The following MAST4 variants were observed in gnomAD, a reference collection of about 807,000 sequenced individuals.
MAST4 encodes the protein microtubule associated serine/threonine kinase family member 4, also known as microtubule-associated serine/threonine-protein kinase 4.
MAST4 carries 89 observed loss-of-function variants against 162.7 expected under a neutral mutation model. That is an observed-to-expected ratio of 0.55 (90% CI 0.46 to 0.65). The LOEUF is 0.65. Among genes scored for constraint, MAST4 ranks in the 30% least tolerant of loss-of-function variants. The pLI is 0.00. For missense variants in MAST4, 3,153 were observed against 3,374.0 expected (o/e 0.93, Z 1.62); for synonymous variants, 1,479 against 1,361.1 (o/e 1.09, Z -1.91).
chr5:66,998,676 C>G lies in MAST4; in HGVS notation c.675-55728C>G, dbSNP rs150493230. Among the ~76,000 whole-genome samples, 338 of 152,322 alleles carry G rather than the reference C, an allele frequency of 2.2e-3. 2 individuals are homozygous for G. Among genetic ancestry groups the G allele is most frequent in the African/African-American group, 7.7e-3 (318 of 41,568 alleles). On this transcript the variant is annotated intron_variant, in intron 4 of 28. Transcript: ENST00000403625. ...CTTTCCCCTGCCCACCCCTTCACCC[C>G]CAATCCTTTCTCTATTGTTCCCTTT...
chr5:66,780,167 C>T (rs1355148345), intron 2 of MAST4, among the ~76,000 whole-genome samples: 1 of 152,202 alleles, frequency 6.6e-6, no homozygotes, highest in Non-Finnish European at 1.5e-5. Context: ...ATCTCCAGAA[C>T]ATTTTCATCA....
At chr5:67,074,264 G>A (rs1761332088) in intron 5 of MAST4, among the ~76,000 whole-genome samples, 1 of 151,986 alleles carries the variant, frequency 6.6e-6, no homozygotes, top group Non-Finnish European at 1.5e-5. Flanking sequence ...GTTTCCACTT[G>A]ATTTGCAAAT....
chr5:66,639,881 A>C (rs541833793), intron 1 of MAST4, among the ~76,000 whole-genome samples: 1 of 152,258 alleles, frequency 6.6e-6, no homozygotes, highest in South Asian at 2.1e-4. Flanking sequence ...TTCATAGTGA[A>C]ATCATTTGTA....
At chr5:66,955,659 A>G (rs574911060) in intron 4 of MAST4, among the ~76,000 whole-genome samples, 1 of 152,294 alleles carries the variant, frequency 6.6e-6, no homozygotes. Flanking sequence ...CAAACTCTAT[A>G]TGTATTACTT....
At position 66,680,206 on chromosome 5, in the gene MAST4, C is replaced by G. The variant is rs896514078; in HGVS notation, c.364-79503C>G. On this transcript the variant is annotated intron_variant, in intron 1 of 28. Transcript: ENST00000403625. ...GGGGTCCCTCCTAATTTACTAGTTC[C>G]TGGCTCCTTTCATACTGGAAGGATG... 5.3e-5 allele frequency among the ~76,000 whole-genome samples: 8 copies of G among 152,294 alleles called. No homozygotes were observed. In the South Asian group the frequency reaches 1.4e-3, roughly 28 times the overall value.
chr5:66,804,135 C>G (rs1471161632), intron 3 of MAST4, among the ~76,000 whole-genome samples: 1 of 152,030 alleles, frequency 6.6e-6, no homozygotes, highest in Non-Finnish European at 1.5e-5. Flanking sequence ...TAATAATTTG[C>G]TTAGGATTTT....
chr5:67,090,268 T>C (rs778474597), intron 6 of MAST4, 37 bp downstream of exon 6: 29 of 1,524,698 alleles, frequency 1.9e-5, no homozygotes, highest in Non-Finnish European at 2.4e-5. Context: ...TAAGGTCTTA[T>C]AGAGAGAATC....
In MAST4 at chr5:67,166,722, A is replaced by G; in HGVS notation, c.7543A>G (p.Met2515Val). ...AQPAGEGRTHMTKSDSLPSFR... is the reference protein window; with the variant it reads ...AQPAGEGRTHVTKSDSLPSFR... ...GCCTGCCGGGGAGGGCCGAACCCAC[A>G]TGACAAAGAGTGACTCCCTGCCCTC... Residue 2515 changes from methionine to valine, a missense_variant, in exon 29 of 29, where the codon ATG (methionine) becomes GTG (valine). By Grantham distance (21) the Met-to-Val change is conservative. Around this residue, in one of 7 missense-constraint regions of MAST4, gnomAD observed 1,644 missense variants for 1,495.0 expected, o/e 1.10. Transcript: ENST00000403625. 1.9e-6 allele frequency: 3 copies of G among 1,590,146 alleles called. No homozygotes were observed. Among genetic ancestry groups the G allele is most frequent in the South Asian group, 2.3e-5 (2 of 87,280 alleles).
chr5:67,086,411 A>C (rs1160361355), intron 5 of MAST4, among the ~76,000 whole-genome samples: 1 of 151,806 alleles, frequency 6.6e-6, no homozygotes, highest in Non-Finnish European at 1.5e-5. Flanking sequence ...TTTCTTAACA[A>C]TAGCTGCTGC....
chr5:67,076,977 T>C (rs1761730616), intron 5 of MAST4, among the ~76,000 whole-genome samples: 1 of 152,172 alleles, frequency 6.6e-6, no homozygotes, highest in African/African-American at 2.4e-5. Flanking sequence ...GTGATTCTGA[T>C]ACACTCTACA....
intron 4 of MAST4, among the ~76,000 whole-genome samples, chr5:66,904,924 G>C (rs1763247298): frequency 6.6e-6 from 1 of 151,940 alleles, no homozygotes; most frequent in South Asian, 2.1e-4. Context: ...TTTCCCCCTT[G>C]CCTCCCTGCA....
intron 5 of MAST4, among the ~76,000 whole-genome samples, chr5:67,080,933 T>TTA (rs1202349117): frequency 1.4e-5 from 2 of 140,572 alleles, no homozygotes; most frequent in South Asian, 2.1e-4. Context: ...TTTTCTTTAA[T>TTA]TATATATATT....
At chr5:67,021,735 A>G (rs1383074178) in intron 4 of MAST4, among the ~76,000 whole-genome samples, 3 of 152,198 alleles carry the variant, frequency 2.0e-5, no homozygotes, top group Non-Finnish European at 1.5e-5. Flanking sequence ...TTACTGATTG[A>G]TTACCACACT....
intron 1 of MAST4, among the ~76,000 whole-genome samples, chr5:66,620,700 A>G (rs1427004346): frequency 2.0e-5 from 3 of 152,108 alleles, no homozygotes; most frequent in Non-Finnish European, 2.9e-5. Flanking sequence ...TTGTTTTTAC[A>G]TCTTTTTTTC....
chr5:66,900,584 T>G (rs1468211189), intron 4 of MAST4, among the ~76,000 whole-genome samples: 1 of 152,094 alleles, frequency 6.6e-6, no homozygotes, highest in Non-Finnish European at 1.5e-5. Context: ...CAGAATAAAA[T>G]TGAGGACAGA....
At chr5:66,730,765 G>C (rs975413678) in intron 1 of MAST4, among the ~76,000 whole-genome samples, 1 of 151,904 alleles carries the variant, frequency 6.6e-6, no homozygotes, top group Non-Finnish European at 1.5e-5. Context: ...GTGTGTGTGT[G>C]TGTGTGTGTG....
intron 4 of MAST4, among the ~76,000 whole-genome samples, chr5:67,020,428 G>A (rs1204731231): frequency 6.6e-6 from 1 of 152,186 alleles, no homozygotes; most frequent in Non-Finnish European, 1.5e-5. Flanking sequence ...CCTTTGGTAT[G>A]AAGGAATTTA....
chr5:66,909,770 C>CAT (rs3042313), intron 4 of MAST4, among the ~76,000 whole-genome samples: 4,997 of 152,280 alleles, frequency 0.033, 150 homozygotes, highest in African/African-American at 0.076. Context: ...AAAATCCCCA[C>CAT]GTCAAAGGTA....
intron 3 of MAST4, among the ~76,000 whole-genome samples, chr5:66,825,852 A>T (rs1757228181): frequency 6.6e-6 from 1 of 152,208 alleles, no homozygotes; most frequent in African/African-American, 2.4e-5. Context: ...ACACATGTAA[A>T]AGCAATACAT....
Sources: gnomAD v4.1 joint callset for allele counts (sites outside exome capture counted in the v4.1 genomes callset) on GRCh38, gnomAD v4.1.1 for gene constraint, gnomAD v4.1.1 regional missense constraint, MANE v1.5 for transcripts, NCBI Gene and HGNC (gene_info 2026-07-23, HGNC 2026-07-21) for gene names.